ALK: variants seen among roughly 807,000 people sequenced by gnomAD.
The protein encoded by ALK is ALK receptor tyrosine kinase, also known as ALK tyrosine kinase receptor.
ALK carries 74 observed loss-of-function variants against 163.1 expected under a neutral mutation model. That is an observed-to-expected ratio of 0.45 (90% CI 0.38 to 0.55). The LOEUF (loss-of-function observed/expected upper bound fraction) is 0.55, where lower values mean the gene tolerates loss of function less well. Among genes scored for constraint, ALK ranks in the 20% least tolerant of loss-of-function variants. The pLI is 0.00. For missense variants in ALK, 2,063 were observed against 2,105.3 expected (o/e 0.98, Z 0.39); for synonymous variants, 960 against 843.2 (o/e 1.14, Z -2.40).
At chr2:29,229,286 A>T (rs935109893) in intron 15 of ALK, among the ~76,000 whole-genome samples, 1 of 152,170 alleles carries the variant, frequency 6.6e-6, no homozygotes, top group Non-Finnish European at 1.5e-5. Context: ...GAGTACACCC[A>T]GATGAGAGCG....
intron 4 of ALK, among the ~76,000 whole-genome samples, chr2:29,501,101 C>G (rs1672163132): frequency 1.3e-5 from 2 of 152,150 alleles, no homozygotes; most frequent in Non-Finnish European, 2.9e-5. Context: ...ACCTCTGATG[C>G]ATGGGGAGAA....
At chr2:29,526,019 T>G (rs777327783) in intron 4 of ALK, among the ~76,000 whole-genome samples, 8 of 152,164 alleles carry the variant, frequency 5.3e-5, no homozygotes, top group Non-Finnish European at 1.2e-4. Flanking sequence ...CTTTGGGATC[T>G]ATCTTGGAGA....
At chr2:29,528,813 G>C (rs1673032175) in intron 4 of ALK, among the ~76,000 whole-genome samples, 1 of 152,110 alleles carries the variant, frequency 6.6e-6, no homozygotes, top group Non-Finnish European at 1.5e-5. Flanking sequence ...TTCTAGCTAA[G>C]ATGTCCTATG....
In ALK at chr2:29,225,492, G is replaced by A. The variant is rs1314893603; in HGVS notation, c.3141C>T (p.Ala1047=). 2 of 1,613,458 alleles carry A rather than the reference G, an allele frequency of 1.2e-6. No individual in the cohort carries two copies. Among genetic ancestry groups the A allele is most frequent in the Non-Finnish European group, 1.7e-6 (2 of 1,179,958 alleles). The change falls in exon 19 of 29, where the codon GCC becomes GCT. Residue 1047 remains alanine, a synonymous_variant. Transcript: ENST00000389048. ...TGATGCCGGAGAAAGCCAGGACCAG[G>A]GCGGCCACGAGGGCAGAGGTCACCA... ...LSVVTSALVA[A]LVLAFSGIMI...
At chr2:29,373,172 G>A (rs1668677713) in intron 5 of ALK, among the ~76,000 whole-genome samples, 1 of 152,114 alleles carries the variant, frequency 6.6e-6, no homozygotes, top group Non-Finnish European at 1.5e-5. Context: ...CCCAGGCAGA[G>A]TGGCAATTGC....
chr2:29,825,521 C>T (rs4264531), intron 1 of ALK, among the ~76,000 whole-genome samples: 68,846 of 151,938 alleles, frequency 0.45, 16,322 homozygotes, highest in East Asian at 0.76. Context: ...GACAACAGGG[C>T]TAGGCCATAG....
chr2:29,233,709 A>C lies in ALK; in HGVS notation c.2356-13T>G. ...TTAACTGGTTTGTCTGTAGAAACAA[A>C]AAGCACGTTAGGTTTGTGGCCAAAC... On this transcript the variant is annotated splice_polypyrimidine_tract_variant and intron_variant, in intron 13 of 28. Coordinates refer to ENST00000389048, the MANE Select transcript of ALK (RefSeq NM_004304.5). 6.2e-7 allele frequency: 1 copy of C among 1,614,244 alleles called. No homozygotes were observed. Among genetic ancestry groups the C allele is most frequent in the Non-Finnish European group, 8.5e-7 (1 of 1,180,042 alleles).
intron 4 of ALK, among the ~76,000 whole-genome samples, chr2:29,508,698 A>T (rs1406274521): frequency 4.9e-4 from 9 of 18,346 alleles, no homozygotes; most frequent in South Asian, 4.2e-3. Context: ...GAGTATAATA[A>T]AAAAAAAACC....
intron 9 of ALK, among the ~76,000 whole-genome samples, chr2:29,276,690 C>T (rs1665556282): frequency 6.6e-6 from 1 of 152,076 alleles, no homozygotes; most frequent in Non-Finnish European, 1.5e-5. Context: ...AATGGATGGA[C>T]CTCAAAGACG....
chr2:29,761,127 C>T (rs376037122), intron 1 of ALK, among the ~76,000 whole-genome samples: 5 of 152,178 alleles, frequency 3.3e-5, no homozygotes, highest in Non-Finnish European at 2.9e-5. Flanking sequence ...GCAGGGTTGA[C>T]GTGGCCTTAG....
chr2:29,886,780 A>T (rs1666997218), intron 1 of ALK, among the ~76,000 whole-genome samples: 1 of 152,250 alleles, frequency 6.6e-6, no homozygotes, highest in East Asian at 1.9e-4. Flanking sequence ...CTAGCTCAAA[A>T]GGTTTTTATG....
At chr2:29,693,317 T>C (rs191570118) in intron 3 of ALK, among the ~76,000 whole-genome samples, 1 of 152,030 alleles carries the variant, frequency 6.6e-6, no homozygotes, top group African/African-American at 2.4e-5. Context: ...ATCTATTGAA[T>C]CAGAATCTCA....
intron 4 of ALK, among the ~76,000 whole-genome samples, chr2:29,528,398 A>G (rs1301698477): frequency 6.6e-6 from 1 of 152,198 alleles, no homozygotes; most frequent in Non-Finnish European, 1.5e-5. Flanking sequence ...ACACATCAGA[A>G]TGGCAGTGTG....
chr2:29,639,835 G>A (rs572245207), intron 3 of ALK, among the ~76,000 whole-genome samples: 44 of 152,254 alleles, frequency 2.9e-4, no homozygotes, highest in Middle Eastern at 3.4e-3. Flanking sequence ...GAGTGCTGTC[G>A]TGAACAGCAT....
At chr2:29,569,569 C>T (rs73921105) in intron 3 of ALK, among the ~76,000 whole-genome samples, 30 of 80,466 alleles carry the variant, frequency 3.7e-4, no homozygotes, top group Admixed American at 2.2e-3. Context: ...TTCTTCCCCC[C>T]CCCTAGTGAG....
intron 3 of ALK, among the ~76,000 whole-genome samples, chr2:29,675,788 T>C (rs1677855276): frequency 6.6e-6 from 1 of 152,084 alleles, no homozygotes. Flanking sequence ...GTAGCAAACA[T>C]TGTGCCAATG....
chr2:29,193,651 G>A lies in ALK; in HGVS notation c.4436C>T (p.Ala1479Val), dbSNP rs1558603789. The change falls in exon 29 of 29, where the codon GCA becomes GTA. Residue 1479 changes from alanine to valine, a missense_variant. Coordinates refer to ENST00000389048, the MANE Select transcript of ALK (RefSeq NM_004304.5). ...CGAAGGAGGGTTGGACTGAGAGAAT[G>A]CCATATTCACGTGTCCCCCTTCCAC... ...PAVEGGHVNM[A>V]FSQSNPPSEL... 2.5e-6 allele frequency: 4 copies of A among 1,614,138 alleles called. No individual in the cohort carries two copies. The East Asian group carries it at 6.7e-5, about 27-fold the overall frequency.
At chr2:29,249,920 G>A (rs537856410) in intron 12 of ALK, among the ~76,000 whole-genome samples, 4 of 152,152 alleles carry the variant, frequency 2.6e-5, no homozygotes, top group Admixed American at 2.6e-4. Flanking sequence ...ATTTCTGCCC[G>A]GAGTGCCATT....
At chr2:29,808,676 T>A (rs963142736) in intron 1 of ALK, among the ~76,000 whole-genome samples, 2 of 152,108 alleles carry the variant, frequency 1.3e-5, no homozygotes, top group African/African-American at 4.8e-5. Context: ...CCATGAAGGG[T>A]GGTGTCAGCA....
Sources: gnomAD v4.1 joint callset for allele counts (sites outside exome capture counted in the v4.1 genomes callset) on GRCh38, gnomAD v4.1.1 for gene constraint, MANE v1.5 for transcripts, NCBI Gene and HGNC (gene_info 2026-07-23, HGNC 2026-07-21) for gene names.